Variants in PRSS50 observed in about 807,000 individuals in gnomAD.
PRSS50 encodes probable threonine protease PRSS50.
A neutral mutation model predicts 34.2 loss-of-function variants in PRSS50; 23 were observed. The ratio of observed to expected loss-of-function variants is 0.67; its 90% CI spans 0.48 to 0.95. The LOEUF is 0.95. PRSS50 is among the 40% of genes least tolerant of loss of function. The pLI is 0.00. For missense variants in PRSS50, 484 were observed against 513.4 expected (o/e 0.94, Z 0.55); for synonymous variants, 224 against 211.2 (o/e 1.06, Z -0.53).
At position 46,717,775 on chromosome 3, in the gene PRSS50, G is replaced by C. The variant is rs376088084; in HGVS notation, c.50C>G (p.Ser17Cys). 2.5e-6 allele frequency: 4 copies of C among 1,571,316 alleles called. No individual in the cohort carries two copies. The highest frequency in any genetic ancestry group is 2.1e-4 in the Middle Eastern group (1 of 4,666). ...TVARGQRPRT[S>C]APSRAGALLL... ...CAGGGCACCGGCGCGGGAGGGGGCA[G>C]ACGTCCGGGGGCGCTGCCCGCGCGC... Residue 17 changes from serine to cysteine, a missense_variant, in exon 1 of 6, where the codon TCT (serine) becomes TGT (cysteine). Transcript: ENST00000315170. This position sits in a 1 kb window ranked among gnomAD's most constrained non-coding sequence, Gnocchi z 4.5.
rs182347450 is a variant in PRSS50, at chr3:46,716,641, G to A, written c.307+796C>T. On this transcript the variant is annotated intron_variant, in intron 2 of 5. Coordinates refer to ENST00000315170, the MANE Select transcript of PRSS50 (RefSeq NM_013270.5). This position sits in a 1 kb window ranked among gnomAD's most constrained non-coding sequence, Gnocchi z 4.4. Reference sequence around the variant, plus strand: ...GCAAAAACGCAACATCTGTGACACCGAGTGTCAGTGAGGATTATCACCCAG... The same window carrying A: ...GCAAAAACGCAACATCTGTGACACCAAGTGTCAGTGAGGATTATCACCCAG... 1.0e-3 allele frequency among the ~76,000 whole-genome samples: 159 copies of A among 152,270 alleles called. No homozygotes were observed. The highest frequency in any genetic ancestry group is 3.7e-3 in the African/African-American group (155 of 41,560).
chr3:46,713,081 C>T lies in PRSS50; in HGVS notation c.755-14G>A, dbSNP rs1329165834. 2.5e-6 allele frequency: 4 copies of T among 1,612,746 alleles called. No individual in the cohort carries two copies. The highest frequency in any genetic ancestry group is 3.4e-6 in the Non-Finnish European group (4 of 1,179,180). ...GAGGCCACATGCCTGTGGGACAGGG[C>T]CCCATTTAGGCGCAGCCACTCACCG... On this transcript the variant is annotated splice_polypyrimidine_tract_variant and intron_variant, in intron 4 of 5. Coordinates refer to ENST00000315170, the MANE Select transcript of PRSS50 (RefSeq NM_013270.5).
At position 46,714,357 on chromosome 3, in the gene PRSS50, G is replaced by A. The variant is rs374975497; in HGVS notation, c.615C>T (p.Asn205=). The A allele has an allele frequency of 2.8e-5, 45 of 1,613,880 alleles. No homozygotes were observed. Among genetic ancestry groups the A allele is most frequent in the African/African-American group, 8.0e-5 (6 of 74,902 alleles). Residue 205 remains asparagine, a synonymous_variant, in exon 4 of 6, where the codon AAC becomes AAT. Coordinates refer to ENST00000315170, the MANE Select transcript of PRSS50 (RefSeq NM_013270.5). The part of the protein sequence containing the change: ...QRFWSWVGQA[N]DIGLLKLKQE... Reference sequence around the variant, plus strand: ...GCTTGAGCTTGAGGAGGCCGATGTCGTTGGCCTGGCCCACCCAGGACCAGA... The same window carrying A: ...GCTTGAGCTTGAGGAGGCCGATGTCATTGGCCTGGCCCACCCAGGACCAGA...
rs966922243 is a variant in PRSS50 at position 46,715,857 on chromosome 3, G to T, written c.308-160C>A. Among the ~76,000 whole-genome samples the T allele has an allele frequency of 1.3e-5, 2 of 152,168 alleles. No individual in the cohort carries two copies. Among genetic ancestry groups the T allele is most frequent in the Non-Finnish European group, 2.9e-5 (2 of 68,026 alleles). ...AATGATGCTGTCCACATGTGGACTGGAGTCTCATGCCTCAGAAGGGTCCAA... is the reference window on the plus strand; with the variant it reads ...AATGATGCTGTCCACATGTGGACTGTAGTCTCATGCCTCAGAAGGGTCCAA... On this transcript the variant is annotated intron_variant, in intron 2 of 5. Coordinates refer to ENST00000315170, the MANE Select transcript of PRSS50 (RefSeq NM_013270.5). The surrounding 1 kb of genome is among the most constrained non-coding windows in gnomAD (Gnocchi z 5.2).
intron 4 of PRSS50, among the ~76,000 whole-genome samples, chr3:46,713,691 C>T (rs1402262208): frequency 6.6e-6 from 1 of 152,236 alleles, no homozygotes; most frequent in Non-Finnish European, 1.5e-5. Context: ...GTTCTAGGGT[C>T]CCCTGGATGT....
Position 46,717,551 on chromosome 3 carries a change from A to G in PRSS50, c.193T>C (p.Cys65Arg), listed in dbSNP as rs1463216515. ...QSVQCVPKAT[C>R]PSSRPRLLWQ... ...AGAAGGCGAGGCCGGCTGGAAGGAC[A>G]GGTGGCCTTGGGGACACACTGGACG... The change falls in exon 2 of 6, where the codon TGT becomes CGT. Residue 65 changes from cysteine (C) to arginine (R), a missense_variant. Cys to Arg is a radical substitution (Grantham distance 180, BLOSUM62 -3). Coordinates refer to ENST00000315170, the MANE Select transcript of PRSS50 (RefSeq NM_013270.5). This position sits in a 1 kb window ranked among gnomAD's most constrained non-coding sequence, Gnocchi z 4.5. 3 of 1,613,712 alleles carry G rather than the reference A, an allele frequency of 1.9e-6. No homozygotes were observed. Among genetic ancestry groups the G allele is most frequent in the Non-Finnish European group, 2.5e-6 (3 of 1,180,004 alleles).
chr3:46,713,191 C>A, intron 4 of PRSS50, 124 bp from the exon 5 acceptor site: 2 of 1,207,372 alleles, frequency 1.7e-6, no homozygotes, highest in Admixed American at 1.9e-5. Flanking sequence ...CACCTCTGCC[C>A]TCGTTCTAGC....
chr3:46,714,148 G>T, intron 4 of PRSS50, 70 bp downstream of exon 4: 1 of 1,547,448 alleles, frequency 6.5e-7, no homozygotes. Flanking sequence ...TCCATCTGTG[G>T]TGGCACCCTG....
In PRSS50 at chr3:46,717,862, C is replaced by T. The variant is rs557976525; in HGVS notation, c.-38G>A. The T allele has an allele frequency of 1.8e-4, 262 of 1,434,846 alleles. 2 individuals carry two copies. The South Asian group carries it at 3.5e-3, about 19-fold the overall frequency. 88.9% of individuals were successfully genotyped at this position (1,434,846 alleles called of 1,614,324 possible). A position where few individuals can be genotyped will look rare whatever the true frequency, so the allele number is the denominator to read the frequency against. On this transcript the variant is annotated 5_prime_UTR_variant, in exon 1 of 6. Coordinates refer to ENST00000315170, the MANE Select transcript of PRSS50 (RefSeq NM_013270.5). This position sits in a 1 kb window ranked among gnomAD's most constrained non-coding sequence, Gnocchi z 4.5. ...GCCGACTGCGTCTCTCCGGAAGGCG[C>T]TCCCAGTGCCGCCCCCACGACGGCG...
chr3:46,713,564 G>C (rs1700645338), intron 4 of PRSS50, among the ~76,000 whole-genome samples: 1 of 152,244 alleles, frequency 6.6e-6, no homozygotes, highest in East Asian at 1.9e-4. Context: ...GTCACTCCCA[G>C]GTCCTCCCAC....
rs1282616181 is a variant in PRSS50, at chr3:46,717,428, G to A, written c.307+9C>T. 5 of 1,613,556 alleles carry A rather than the reference G, an allele frequency of 3.1e-6. No homozygotes were observed. The African/African-American group carries it at 6.7e-5, about 22-fold the overall frequency. On this transcript the variant is annotated intron_variant, in intron 2 of 5. Coordinates refer to ENST00000315170, the MANE Select transcript of PRSS50 (RefSeq NM_013270.5). This position sits in a 1 kb window ranked among gnomAD's most constrained non-coding sequence, Gnocchi z 4.5. The stretch of plus-strand genomic sequence containing the variant: ...CTTGCCCCACGGAGTCTACACCCCT[G>A]GTACTCACAGCGGTATGGGTCGACT...
rs781636588 is a variant in PRSS50, at chr3:46,717,560, T to TGG, written c.182_183dup (p.Lys62ProfsTer89). The TGG allele has an allele frequency of 2.2e-5, 35 of 1,613,758 alleles. No homozygotes were observed. The South Asian group carries it at 3.1e-4, about 14-fold the overall frequency. On this transcript the variant is annotated frameshift_variant, in exon 2 of 6. Coordinates refer to ENST00000315170, the MANE Select transcript of PRSS50 (RefSeq NM_013270.5). LOFTEE classifies it high-confidence loss of function. This position sits in a 1 kb window ranked among gnomAD's most constrained non-coding sequence, Gnocchi z 4.5. The stretch of plus-strand genomic sequence containing the variant: ...GGCCGGCTGGAAGGACAGGTGGCCT[T>TGG]GGGGACACACTGGACGCTCTGGTCG...
rs1173668574 is a variant in PRSS50, at chr3:46,714,325, A to T, written c.647T>A (p.Leu216His). 1 of 1,614,078 alleles carries T rather than the reference A, an allele frequency of 6.2e-7. No homozygotes were observed. The highest frequency in any genetic ancestry group is 8.5e-7 in the Non-Finnish European group (1 of 1,180,034). ...GGGCCGCACGTAATTGCTGTACTTG[A>T]GTTCCTGCTTGAGCTTGAGGAGGCC... ...DIGLLKLKQE[L>H]KYSNYVRPIC... Residue 216 changes from leucine (L) to histidine (H), a missense_variant, in exon 4 of 6, where the codon CTC becomes CAC. Coordinates refer to ENST00000315170, the MANE Select transcript of PRSS50 (RefSeq NM_013270.5).
At position 46,713,018 on chromosome 3, in the gene PRSS50, C is replaced by G. The variant is rs1700639387; in HGVS notation, c.804G>C (p.Leu268=). 1 of 1,614,094 alleles carries G rather than the reference C, an allele frequency of 6.2e-7. No individual in the cohort carries two copies. ...AGAAATTGTCACACTCTTTGTTGTT[C>G]AGGATGATGACTTCCTTCTCCTGAA... ...RTIQEKEVII[L]NNKECDNFYH... The change falls in exon 5 of 6, where the codon CTG becomes CTC. Residue 268 remains leucine, a synonymous_variant. Transcript: ENST00000315170.
At chr3:46,712,664 C>A (rs889642275) in intron 5 of PRSS50, among the ~76,000 whole-genome samples, 182 bp from the exon 6 acceptor site, 1 of 151,148 alleles carries the variant, frequency 6.6e-6, no homozygotes, top group Non-Finnish European at 1.5e-5. Flanking sequence ...CACCTCTTAA[C>A]ACCCACCCTC....
Position 46,714,244 on chromosome 3 carries a change from G to T in PRSS50, c.728C>A (p.Thr243Lys). Reference protein sequence around the residue: ...VLKDHSRCTVTGWGLSKADGM... With the variant: ...VLKDHSRCTVKGWGLSKADGM... ...GTCAGCCTTGGAAAGTCCCCAGCCC[G>T]TCACAGTGCAGCGGGAATGGTCCTT... Residue 243 changes from threonine to lysine, a missense_variant, in exon 4 of 6, where the codon ACG becomes AAG. Transcript: ENST00000315170. 6.2e-7 allele frequency: 1 copy of T among 1,614,080 alleles called. No homozygotes were observed. Among genetic ancestry groups the T allele is most frequent in the Non-Finnish European group, 8.5e-7 (1 of 1,180,020 alleles).
In PRSS50 at chr3:46,713,256, C is replaced by T. The variant is rs1417810228; in HGVS notation, c.755-189G>A. Among the ~76,000 whole-genome samples, 4 of 152,334 alleles carry T rather than the reference C, an allele frequency of 2.6e-5. No homozygotes were observed. In the East Asian group the frequency reaches 7.7e-4, roughly 29 times the overall value. ...GCCCCCGGAGCAGAGTACCCCCAAC[C>T]CAGCCTTGCCGGGCCTGCTCTCGCT... On this transcript the variant is annotated intron_variant, in intron 4 of 5. Transcript: ENST00000315170.
In PRSS50 at chr3:46,714,350, C is replaced by T. The variant is rs1288828943; in HGVS notation, c.622G>A (p.Gly208Ser). ...AGTTCCTGCTTGAGCTTGAGGAGGC[C>T]GATGTCGTTGGCCTGGCCCACCCAG... Reference protein sequence around the residue: ...WSWVGQANDIGLLKLKQELKY... With the variant: ...WSWVGQANDISLLKLKQELKY... Residue 208 changes from glycine (G) to serine (S), a missense_variant, in exon 4 of 6, where the codon GGC becomes AGC. Gly to Ser is a moderately conservative substitution (Grantham distance 56). Transcript: ENST00000315170. 5.6e-6 allele frequency: 9 copies of T among 1,614,022 alleles called. No homozygotes were observed. The highest frequency in any genetic ancestry group is 2.2e-5 in the South Asian group (2 of 91,070).
chr3:46,713,260 C>A (rs1466554701), intron 4 of PRSS50, among the ~76,000 whole-genome samples, 193 bp from the exon 5 acceptor site: 2 of 152,238 alleles, frequency 1.3e-5, no homozygotes, highest in African/African-American at 4.8e-5. Context: ...CCCAACCCAG[C>A]CTTGCCGGGC....
Sources: allele counts gnomAD v4.1 joint callset (sites outside exome capture counted in the v4.1 genomes callset), GRCh38; gene constraint gnomAD v4.1.1; non-coding constraint Gnocchi (gnomAD v3.1); transcripts MANE v1.5; gene names NCBI Gene and HGNC (gene_info 2026-07-23, HGNC 2026-07-21).